Variants in UBAC2 observed in about 807,000 individuals in gnomAD.
UBAC2 encodes the protein UBA domain containing 2, also known as ubiquitin-associated domain-containing protein 2.
Under a neutral mutation model 44.0 loss-of-function variants are expected in UBAC2, and 26 were observed. The observed-to-expected ratio is 0.59, with a 90% CI of 0.43 to 0.82. UBAC2 has a LOEUF of 0.82. Ranked by LOEUF, UBAC2 falls within the 40% of genes least tolerant of loss-of-function variation. The probability of loss-of-function intolerance (pLI) is 0.00; values close to 1 mark genes in which losing one functional copy is unlikely to be tolerated. For missense variants in UBAC2, 329 were observed against 419.4 expected, an observed-to-expected ratio of 0.78 and a Z score of 1.88; for synonymous variants, 155 against 154.3, an observed-to-expected ratio of 1.00 and a Z score of -0.04.
chr13:99,331,105 A>G (rs181703373), intron 6 of UBAC2, among the ~76,000 whole-genome samples: 4 of 152,342 alleles, frequency 2.6e-5, no homozygotes, highest in East Asian at 3.9e-4. Context: ...GAGATCACGT[A>G]TCTCTTATCC....
At chr13:99,343,675 A>G (rs565534711) in intron 7 of UBAC2, among the ~76,000 whole-genome samples, 41 of 152,124 alleles carry the variant, frequency 2.7e-4, no homozygotes, top group Non-Finnish European at 4.9e-4. Context: ...TAAGCTTCCT[A>G]AGTTCTCTTC....
intron 4 of UBAC2, among the ~76,000 whole-genome samples, chr13:99,254,039 T>C (rs1263130356): frequency 1.3e-5 from 2 of 152,194 alleles, no homozygotes; most frequent in African/African-American, 4.8e-5. Flanking sequence ...AGAAATTAAA[T>C]GGCAAGGCTA....
At chr13:99,253,907 A>C (rs1023063776) in intron 4 of UBAC2, among the ~76,000 whole-genome samples, 12 of 152,224 alleles carry the variant, frequency 7.9e-5, no homozygotes, top group African/African-American at 2.9e-4. Context: ...AGCAGAGAGG[A>C]AGTTATAGTT....
chr13:99,260,516 C>G (rs948169448), intron 4 of UBAC2, among the ~76,000 whole-genome samples: 1 of 152,166 alleles, frequency 6.6e-6, no homozygotes, highest in African/African-American at 2.4e-5. Context: ...TGAGGTCTGT[C>G]GTCCTCCCCT....
At chr13:99,266,452 G>A (rs2043745341) in intron 4 of UBAC2, among the ~76,000 whole-genome samples, 1 of 152,074 alleles carries the variant, frequency 6.6e-6, no homozygotes, top group Non-Finnish European at 1.5e-5. Flanking sequence ...CTGGGCCCAT[G>A]TGGCCCATGG....
In UBAC2 at chr13:99,295,385, A is replaced by G. The variant is rs1305988900; in HGVS notation, c.390-18712A>G. ...AACATGGTAAGGTGTGAAACAGAGA[A>G]CAAACACAACAATAATAAGAATAAT... is the stretch of plus-strand genomic sequence containing the variant. On this transcript the variant is annotated intron_variant, in intron 4 of 8. Coordinates refer to ENST00000403766, the MANE Select transcript of UBAC2 (RefSeq NM_001144072.2). This position sits in a 1 kb window ranked among gnomAD's most constrained non-coding sequence, Gnocchi z 4.1. The G allele has an allele frequency of 6.2e-7, 1 of 1,614,120 alleles. No individual in the cohort carries two copies. The highest frequency in any genetic ancestry group is 1.7e-5 in the Admixed American group (1 of 60,018).
At chr13:99,298,941 A>AT (rs1329321265) in intron 4 of UBAC2, among the ~76,000 whole-genome samples, 1 of 152,132 alleles carries the variant, frequency 6.6e-6, no homozygotes, top group Non-Finnish European at 1.5e-5. Flanking sequence ...TTGAAAATGT[A>AT]TTTTTTTCCA....
intron 6 of UBAC2, among the ~76,000 whole-genome samples, chr13:99,326,425 T>C (rs1450872868): frequency 6.6e-6 from 1 of 152,198 alleles, no homozygotes; most frequent in African/African-American, 2.4e-5. Flanking sequence ...GAGAGTCCTT[T>C]TAGTTTATAG....
intron 6 of UBAC2, among the ~76,000 whole-genome samples, chr13:99,321,392 A>G (rs536701890): frequency 3.9e-5 from 6 of 152,170 alleles, no homozygotes; most frequent in African/African-American, 7.2e-5. Flanking sequence ...CACTGCAACC[A>G]CTGCCTCCCG....
chr13:99,304,842 C>T (rs906918106), intron 4 of UBAC2, among the ~76,000 whole-genome samples: 5 of 152,164 alleles, frequency 3.3e-5, no homozygotes, highest in Non-Finnish European at 5.9e-5. Context: ...CATTTTATCT[C>T]CTATTTCCGA....
intron 1 of UBAC2, among the ~76,000 whole-genome samples, chr13:99,224,466 C>T (rs2043088459): frequency 6.6e-6 from 1 of 152,106 alleles, no homozygotes; most frequent in African/African-American, 2.4e-5. Context: ...CTGAATTCTC[C>T]AACTATATTT....
intron 7 of UBAC2, among the ~76,000 whole-genome samples, chr13:99,351,155 T>A (rs569349059): frequency 6.6e-6 from 1 of 152,280 alleles, no homozygotes; most frequent in East Asian, 1.9e-4. Flanking sequence ...ATAAAAAAAA[T>A]TATACAAAAT....
chr13:99,274,683 A>G (rs776917685), intron 4 of UBAC2, among the ~76,000 whole-genome samples: 1 of 150,790 alleles, frequency 6.6e-6, no homozygotes, highest in African/African-American at 2.4e-5. Flanking sequence ...GAATAGTACA[A>G]ATACTGTTAT....
At chr13:99,343,885 T>C (rs1451641273) in intron 7 of UBAC2, among the ~76,000 whole-genome samples, 2 of 152,236 alleles carry the variant, frequency 1.3e-5, no homozygotes, top group Non-Finnish European at 2.9e-5. Flanking sequence ...TGTATTGGAA[T>C]GTAATACCAG....
At chr13:99,335,750 C>T (rs2044779721) in intron 6 of UBAC2, among the ~76,000 whole-genome samples, 1 of 152,236 alleles carries the variant, frequency 6.6e-6, no homozygotes, top group African/African-American at 2.4e-5. Flanking sequence ...TGCTTCCTCT[C>T]TCTCTCATGC....
intron 4 of UBAC2, among the ~76,000 whole-genome samples, chr13:99,268,014 T>C (rs2043765519): frequency 6.6e-6 from 1 of 152,144 alleles, no homozygotes; most frequent in South Asian, 2.1e-4. Flanking sequence ...CTCCATGGCT[T>C]CTGCTTCCAG....
intron 1 of UBAC2, among the ~76,000 whole-genome samples, chr13:99,211,235 G>A (rs887615223): frequency 3.9e-5 from 6 of 152,088 alleles, no homozygotes; most frequent in Non-Finnish European, 7.4e-5. Flanking sequence ...GTCTTTTCAC[G>A]CTCAGAAAAT....
rs115181737 is a variant in UBAC2, at chr13:99,324,426, G to A, written c.561+6357G>A. On this transcript the variant is annotated intron_variant, in intron 6 of 8. Coordinates refer to ENST00000403766, the MANE Select transcript of UBAC2 (RefSeq NM_001144072.2). ...CTTTGCCATGAGAAAAGCAGGGCCC[G>A]GAGAGGGGCAGCTCCTCAGACTCCA... Among the ~76,000 whole-genome samples, 1,167 of 152,286 alleles carry A rather than the reference G, an allele frequency of 7.7e-3. 12 individuals are homozygous for A. Among genetic ancestry groups the A allele is most frequent in the African/African-American group, 0.027 (1,128 of 41,536 alleles).
intron 4 of UBAC2, among the ~76,000 whole-genome samples, chr13:99,265,703 G>A (rs771548719): frequency 1.3e-5 from 2 of 152,236 alleles, no homozygotes; most frequent in South Asian, 2.1e-4. Flanking sequence ...TCAGTTAACA[G>A]GCATATGGAT....
Sources: allele counts gnomAD v4.1 joint callset (sites outside exome capture counted in the v4.1 genomes callset), GRCh38; gene constraint gnomAD v4.1.1; non-coding constraint Gnocchi (gnomAD v3.1); transcripts MANE v1.5; gene names NCBI Gene and HGNC (gene_info 2026-07-23, HGNC 2026-07-21).